SORCS2: variants seen among roughly 807,000 people sequenced by gnomAD.
SORCS2 encodes the protein VPS10 domain-containing receptor SorCS2.
In SORCS2, 100 loss-of-function variants were observed where a neutral mutation model predicts 141.6. The ratio of observed to expected loss-of-function variants is 0.71; its 90% CI spans 0.60 to 0.83. The LOEUF (loss-of-function observed/expected upper bound fraction) is 0.83. Ranked by LOEUF, SORCS2 falls within the 40% of genes least tolerant of loss-of-function variation. The pLI is 0.00. For missense variants in SORCS2, 1,646 were observed against 1,560.2 expected (o/e 1.05, Z -0.93); for synonymous variants, 789 against 676.9 (o/e 1.17, Z -2.57).
At chr4:7,406,690 A>T (rs1724990798) in intron 2 of SORCS2, among the ~76,000 whole-genome samples, 1 of 150,644 alleles carries the variant, frequency 6.6e-6, no homozygotes, top group African/African-American at 2.4e-5. Flanking sequence ...TTTTCATTTC[A>T]TTGATTTTCT....
chr4:7,603,471 GCTTC>G (rs1717870336), intron 3 of SORCS2, among the ~76,000 whole-genome samples: 1 of 151,978 alleles, frequency 6.6e-6, no homozygotes, highest in Admixed American at 6.6e-5. Flanking sequence ...ATTCTCCCTG[GCTTC>G]CTTTGTTTTC....
Position 7,345,028 on chromosome 4 carries a change from C to T in SORCS2, c.481-51260C>T, listed in dbSNP as rs552049965. Among the ~76,000 whole-genome samples, 10 of 152,288 alleles carry T rather than the reference C, an allele frequency of 6.6e-5. No individual in the cohort carries two copies. In the East Asian group the frequency reaches 1.7e-3, roughly 27 times the overall value. ...CCTCGGCCTGTTGTCCCTCCTGCTG[C>T]TGGCTGGAAGGGTAGGCTGTTTGCC... On this transcript the variant is annotated intron_variant, in intron 1 of 26. Coordinates refer to ENST00000507866, the MANE Select transcript of SORCS2 (RefSeq NM_020777.3).
intron 2 of SORCS2, among the ~76,000 whole-genome samples, chr4:7,470,399 A>G (rs984795972): frequency 3.3e-5 from 5 of 151,422 alleles, no homozygotes; most frequent in African/African-American, 1.2e-4. Context: ...CCTTCCATCC[A>G]TCCATCCAGC....
At chr4:7,719,830 G>A (rs1156347634) in intron 18 of SORCS2, among the ~76,000 whole-genome samples, 1 of 152,226 alleles carries the variant, frequency 6.6e-6, no homozygotes, top group African/African-American at 2.4e-5. Context: ...CCACCGCCCA[G>A]GGGGCCGGGA....
At chr4:7,261,576 T>C (rs1714326531) in intron 1 of SORCS2, among the ~76,000 whole-genome samples, 1 of 152,248 alleles carries the variant, frequency 6.6e-6, no homozygotes, top group South Asian at 2.1e-4. Flanking sequence ...AGCCCTGGCT[T>C]GCAAATTAGT....
chr4:7,609,459 C>T (rs1238795062), intron 3 of SORCS2, among the ~76,000 whole-genome samples: 3 of 152,200 alleles, frequency 2.0e-5, no homozygotes, highest in Non-Finnish European at 1.5e-5. Flanking sequence ...CCTCAGCCCT[C>T]GTCAACTGCC....
At chr4:7,344,797 C>G (rs1015891429) in intron 1 of SORCS2, among the ~76,000 whole-genome samples, 1 of 152,186 alleles carries the variant, frequency 6.6e-6, no homozygotes, top group African/African-American at 2.4e-5. Flanking sequence ...GCACCTCACC[C>G]CTGATTCCCC....
At chr4:7,611,659 G>A (rs1321239888) in intron 3 of SORCS2, among the ~76,000 whole-genome samples, 15 of 152,224 alleles carry the variant, frequency 9.9e-5, no homozygotes, top group Admixed American at 9.8e-4. Flanking sequence ...GGTAAAACTG[G>A]TTGTTAGGTT....
intron 21 of SORCS2, among the ~76,000 whole-genome samples, 182 bp downstream of exon 21, chr4:7,727,085 C>G (rs779209980): frequency 6.6e-6 from 1 of 152,182 alleles, no homozygotes; most frequent in Non-Finnish European, 1.5e-5. Flanking sequence ...CAAAGTCTCC[C>G]GGTCTCTCTG....
chr4:7,264,096 C>T (rs1176506016), intron 1 of SORCS2, among the ~76,000 whole-genome samples: 1 of 152,184 alleles, frequency 6.6e-6, no homozygotes, highest in Non-Finnish European at 1.5e-5. Flanking sequence ...GAGACAGTGA[C>T]CACACAGGGT....
intron 1 of SORCS2, among the ~76,000 whole-genome samples, chr4:7,374,865 G>A (rs1577464420): frequency 6.6e-6 from 1 of 152,284 alleles, no homozygotes; most frequent in East Asian, 1.9e-4. Context: ...AGGTGACCCT[G>A]TGCTGGGTGT....
chr4:7,634,008 A>C (rs527943325), intron 3 of SORCS2, among the ~76,000 whole-genome samples: 1 of 121,318 alleles, frequency 8.2e-6, no homozygotes, highest in Admixed American at 9.0e-5. Context: ...TGATGAATGA[A>C]CCAAGAAGTC....
At position 7,740,369 on chromosome 4, in the gene SORCS2, T is replaced by G. The variant is rs1333618880; in HGVS notation, c.*105T>G. On this transcript the variant is annotated 3_prime_UTR_variant, in exon 27 of 27. Coordinates refer to ENST00000507866, the MANE Select transcript of SORCS2 (RefSeq NM_020777.3). ...AGAGACCTGCGGAAAGCCCCCTCCC[T>G]GAGTCGTCGCCACACCAGGCGACAG... 11 of 1,057,308 alleles carry G rather than the reference T, an allele frequency of 1.0e-5. No homozygotes were observed. The highest frequency in any genetic ancestry group is 1.5e-5 in the Non-Finnish European group (11 of 712,994). The allele number at this position is 1,057,308 out of a possible 1,614,324, so 65.5% of individuals were successfully genotyped here.
chr4:7,575,234 G>A (rs1314969553), intron 3 of SORCS2, among the ~76,000 whole-genome samples: 1 of 152,202 alleles, frequency 6.6e-6, no homozygotes, highest in African/African-American at 2.4e-5. Context: ...TACGAGCCGT[G>A]TGTGTAATTT....
At chr4:7,215,334 C>T (rs1326595764) in intron 1 of SORCS2, among the ~76,000 whole-genome samples, 17 of 152,200 alleles carry the variant, frequency 1.1e-4, no homozygotes, top group East Asian at 3.9e-4. Flanking sequence ...GCGCTGCGCT[C>T]GATTTCTCAC....
chr4:7,350,453 A>G lies in SORCS2; in HGVS notation c.481-45835A>G, dbSNP rs546118934. 3.5e-4 allele frequency among the ~76,000 whole-genome samples: 54 copies of G among 152,362 alleles called. No homozygotes were observed. In the South Asian group the frequency reaches 0.011, roughly 32 times the overall value. ...GAGGGCCTCGGGTGCCCTGCTTAGG[A>G]ATTTTGACCTTTGATGTCCAAAATC... On this transcript the variant is annotated intron_variant, in intron 1 of 26. Transcript: ENST00000507866.
At chr4:7,728,511 A>G (rs1209380088) in intron 22 of SORCS2, 49 bp downstream of exon 22, 1 of 1,428,016 alleles carries the variant, frequency 7.0e-7, no homozygotes, top group Non-Finnish European at 9.6e-7. Context: ...TGCTTCCGGC[A>G]TCCAGAGAAG....
intron 2 of SORCS2, among the ~76,000 whole-genome samples, chr4:7,465,962 C>T (rs923640009): frequency 1.3e-5 from 2 of 151,998 alleles, no homozygotes; most frequent in Admixed American, 6.6e-5. Context: ...AGGCCTGGGG[C>T]AGGGGCAGGG....
intron 1 of SORCS2, among the ~76,000 whole-genome samples, chr4:7,384,539 G>A (rs1474315003): frequency 1.3e-5 from 2 of 152,184 alleles, no homozygotes; most frequent in African/African-American, 4.8e-5. Flanking sequence ...TGCCTCAACC[G>A]CGCTGGGTAA....
Sources: gnomAD v4.1 joint callset for allele counts (sites outside exome capture counted in the v4.1 genomes callset) on GRCh38, gnomAD v4.1.1 for gene constraint, MANE v1.5 for transcripts, NCBI Gene and HGNC (gene_info 2026-07-23, HGNC 2026-07-21) for gene names.